CNTN4: variants seen among roughly 807,000 people sequenced by gnomAD.
The protein encoded by CNTN4 is contactin-4.
Under a neutral mutation model 122.5 loss-of-function variants are expected in CNTN4, and 77 were observed. That is an observed-to-expected ratio of 0.63 (90% CI 0.52 to 0.76). CNTN4 has a LOEUF of 0.76. Ranked by LOEUF, CNTN4 falls within the 30% of genes least tolerant of loss-of-function variation. The pLI is 0.00. For missense variants in CNTN4, 1,256 were observed against 1,259.1 expected, an observed-to-expected ratio of 1.00 and a Z score of 0.04; for synonymous variants, 512 against 447.0, an observed-to-expected ratio of 1.15 and a Z score of -1.83.
At chr3:2,428,547 A>C (rs1051222196) in intron 3 of CNTN4, among the ~76,000 whole-genome samples, 11 of 152,182 alleles carry the variant, frequency 7.2e-5, no homozygotes, top group African/African-American at 2.4e-4. Context: ...GACAATTATG[A>C]GTCTTGGAGT....
intron 2 of CNTN4, among the ~76,000 whole-genome samples, chr3:2,122,839 C>G (rs1348460450): frequency 6.6e-6 from 1 of 152,134 alleles, no homozygotes; most frequent in Non-Finnish European, 1.5e-5. Flanking sequence ...TGATCGTGTA[C>G]CCAGGTAAAA....
At chr3:2,930,634 A>G (rs1039520536) in intron 13 of CNTN4, among the ~76,000 whole-genome samples, 1 of 152,224 alleles carries the variant, frequency 6.6e-6, no homozygotes, top group Non-Finnish European at 1.5e-5. Context: ...AAGCAGGTAT[A>G]GGTACGCCAC....
intron 2 of CNTN4, among the ~76,000 whole-genome samples, chr3:2,148,347 A>G (rs1025785010): frequency 1.3e-5 from 2 of 151,854 alleles, no homozygotes; most frequent in East Asian, 1.9e-4. Flanking sequence ...TAGCCTGGGC[A>G]TTATAGGGGT....
At chr3:2,362,269 C>G (rs553173255) in intron 3 of CNTN4, 1 of 181,548 alleles carries the variant, frequency 5.5e-6, no homozygotes, top group African/African-American at 2.4e-5. Context: ...TGGTGGTGGC[C>G]GTGGTGCTGG....
chr3:2,994,920 T>C (rs990364327), intron 14 of CNTN4, among the ~76,000 whole-genome samples: 50 of 152,280 alleles, frequency 3.3e-4, no homozygotes, highest in African/African-American at 1.1e-3. Context: ...GCTTTTAACA[T>C]TGGTCCCTTA....
At chr3:2,151,056 C>T (rs1174007122) in intron 2 of CNTN4, among the ~76,000 whole-genome samples, 1 of 152,024 alleles carries the variant, frequency 6.6e-6, no homozygotes, top group Non-Finnish European at 1.5e-5. Context: ...AAGACAATAG[C>T]TAGTAAGCAA....
chr3:2,711,138 CATAG>C (rs1246848839), intron 4 of CNTN4, among the ~76,000 whole-genome samples: 1 of 152,128 alleles, frequency 6.6e-6, no homozygotes, highest in Admixed American at 6.6e-5. Flanking sequence ...CCTCAGGCAA[CATAG>C]TGTCACACAC....
intron 4 of CNTN4, among the ~76,000 whole-genome samples, chr3:2,615,258 A>G (rs1271530899): frequency 6.6e-6 from 1 of 152,248 alleles, no homozygotes; most frequent in African/African-American, 2.4e-5. Context: ...AGGGTATTGC[A>G]TAAGTTGCTA....
At chr3:2,641,823 C>T (rs2150121849) in intron 4 of CNTN4, among the ~76,000 whole-genome samples, 1 of 152,318 alleles carries the variant, frequency 6.6e-6, no homozygotes. Context: ...CTATGATAGC[C>T]TGTATTGACA....
At chr3:2,435,971 A>G (rs1458797282) in intron 3 of CNTN4, among the ~76,000 whole-genome samples, 1 of 152,208 alleles carries the variant, frequency 6.6e-6, no homozygotes, top group African/African-American at 2.4e-5. Flanking sequence ...GAGACAATGC[A>G]GGTCAAAAAA....
intron 3 of CNTN4, among the ~76,000 whole-genome samples, chr3:2,486,161 C>T (rs1044761464): frequency 2.0e-5 from 3 of 152,050 alleles, no homozygotes; most frequent in East Asian, 1.9e-4. Flanking sequence ...ACACTCACTG[C>T]GAAGGTCTGC....
rs902496497 is a variant in CNTN4, at chr3:2,513,985, A to C, written c.-88-57431A>C. Among the ~76,000 whole-genome samples, 5 of 152,226 alleles carry C rather than the reference A, an allele frequency of 3.3e-5. No individual in the cohort carries two copies. The East Asian group carries it at 5.8e-4, about 18-fold the overall frequency. Reference sequence around the variant, plus strand: ...ATAGTGCATCTCTGTACGTGTTTGCATGCATACAAATCTACCCAACAACAT... The same window carrying C: ...ATAGTGCATCTCTGTACGTGTTTGCCTGCATACAAATCTACCCAACAACAT... On this transcript the variant is annotated intron_variant, in intron 3 of 24. Coordinates refer to ENST00000418658, the MANE Select transcript of CNTN4 (RefSeq NM_175607.3).
intron 4 of CNTN4, among the ~76,000 whole-genome samples, chr3:2,723,331 A>G (rs921863297): frequency 6.6e-6 from 1 of 152,236 alleles, no homozygotes; most frequent in Admixed American, 6.5e-5. Context: ...CTCACATTTA[A>G]TATGCCATTT....
intron 2 of CNTN4, among the ~76,000 whole-genome samples, chr3:2,307,426 C>T (rs892741144): frequency 7.3e-6 from 1 of 136,572 alleles, no homozygotes; most frequent in African/African-American, 3.1e-5. Flanking sequence ...CAGAGCAAGA[C>T]TCCATCTCAA....
intron 2 of CNTN4, among the ~76,000 whole-genome samples, chr3:2,165,116 A>C (rs530881653): frequency 1.3e-5 from 2 of 152,122 alleles, no homozygotes; most frequent in Non-Finnish European, 2.9e-5. Context: ...TGAGGTCAGG[A>C]GGTCGAGACC....
chr3:2,297,246 C>T lies in CNTN4; in HGVS notation c.-144-41932C>T, dbSNP rs145809011. 2.6e-4 allele frequency among the ~76,000 whole-genome samples: 40 copies of T among 152,224 alleles called. No individual in the cohort carries two copies. In the East Asian group the frequency reaches 6.4e-3, roughly 24 times the overall value. On this transcript the variant is annotated intron_variant, in intron 2 of 24. Coordinates refer to ENST00000418658, the MANE Select transcript of CNTN4 (RefSeq NM_175607.3). The stretch of plus-strand genomic sequence containing the variant: ...AACTATGAGAATGCACAGAAAGCTT[C>T]GTAATTTACATCTAAAAGGAATGCA...
intron 3 of CNTN4, among the ~76,000 whole-genome samples, chr3:2,492,209 G>A (rs1020718655): frequency 5.3e-5 from 8 of 152,184 alleles, no homozygotes; most frequent in African/African-American, 1.9e-4. Flanking sequence ...GAATTTTGAT[G>A]TAAAAGGTGG....
At chr3:2,318,218 TAAAA>T (rs372313468) in intron 2 of CNTN4, among the ~76,000 whole-genome samples, 1 of 112,678 alleles carries the variant, frequency 8.9e-6, no homozygotes, top group African/African-American at 3.5e-5. Flanking sequence ...AACTTGTCCC[TAAAA>T]AAAAAAAAAA....
intron 13 of CNTN4, among the ~76,000 whole-genome samples, chr3:2,944,745 T>C (rs1215713971): frequency 1.3e-5 from 2 of 152,204 alleles, no homozygotes; most frequent in Admixed American, 1.3e-4. Flanking sequence ...GCTACTGCCT[T>C]AGATTGCGTG....
Sources: gnomAD v4.1 joint callset for allele counts (sites outside exome capture counted in the v4.1 genomes callset) on GRCh38, gnomAD v4.1.1 for gene constraint, MANE v1.5 for transcripts, NCBI Gene and HGNC (gene_info 2026-07-23, HGNC 2026-07-21) for gene names.